Variants in NLGN1 observed in about 807,000 individuals in gnomAD.
NLGN1 encodes the protein neuroligin-1.
NLGN1 carries 12 observed loss-of-function variants against 65.5 expected under a neutral mutation model. That is an observed-to-expected ratio of 0.18 (90% confidence interval 0.12 to 0.30). NLGN1 has a LOEUF of 0.30. Ranked by LOEUF, NLGN1 falls within the 10% of genes least tolerant of loss-of-function variation. NLGN1 has a pLI of 1.00. For missense variants in NLGN1, 750 were observed against 1,007.1 expected (o/e 0.74, Z 3.46); for synonymous variants, 350 against 359.5 (o/e 0.97, Z 0.30).
At chr3:173,816,348 G>A (rs1437552625) in intron 4 of NLGN1, among the ~76,000 whole-genome samples, 4 of 152,178 alleles carry the variant, frequency 2.6e-5, no homozygotes, top group Admixed American at 1.3e-4. Flanking sequence ...GCAGAAACAA[G>A]TGAGTAGAGA....
At chr3:174,151,924 A>G (rs1278403909) in intron 4 of NLGN1, among the ~76,000 whole-genome samples, 3 of 152,180 alleles carry the variant, frequency 2.0e-5, no homozygotes, top group African/African-American at 7.2e-5. Flanking sequence ...AAAAATATAT[A>G]TACCATGAAC....
chr3:173,783,734 C>A (rs73180690), intron 3 of NLGN1, among the ~76,000 whole-genome samples: 2,002 of 152,240 alleles, frequency 0.013, 25 homozygotes, highest in Middle Eastern at 0.031. Flanking sequence ...CCAGCCTCAG[C>A]CTCCTGAGTT....
chr3:173,680,536 C>A (rs759608467), intron 3 of NLGN1, among the ~76,000 whole-genome samples: 1 of 152,058 alleles, frequency 6.6e-6, no homozygotes, highest in African/African-American at 2.4e-5. Context: ...ATCAAGGTGA[C>A]AAGTTTTTAA....
At chr3:173,635,105 C>G (rs1214938139) in intron 3 of NLGN1, among the ~76,000 whole-genome samples, 4 of 152,092 alleles carry the variant, frequency 2.6e-5, no homozygotes, top group Admixed American at 2.6e-4. Flanking sequence ...TGTCTAACAA[C>G]ATTAATAGTT....
intron 3 of NLGN1, among the ~76,000 whole-genome samples, chr3:173,653,504 T>C (rs552545438): frequency 6.0e-4 from 91 of 152,336 alleles, no homozygotes; most frequent in South Asian, 5.0e-3. Context: ...GATCATATGC[T>C]TTCTGTCCTT....
At chr3:174,183,176 A>G (rs1312436370) in intron 4 of NLGN1, among the ~76,000 whole-genome samples, 1 of 152,062 alleles carries the variant, frequency 6.6e-6, no homozygotes, top group African/African-American at 2.4e-5. Flanking sequence ...ATTGTCTACT[A>G]GGCAACAGTG....
chr3:173,800,514 ATTAAT>A (rs1479435094), intron 3 of NLGN1, among the ~76,000 whole-genome samples: 1 of 151,568 alleles, frequency 6.6e-6, no homozygotes, highest in African/African-American at 2.4e-5. Context: ...AATATAGAGT[ATTAAT>A]TTTTTTAAAA....
In NLGN1 at chr3:173,989,075, A is replaced by G. The variant is rs573438236; in HGVS notation, c.646+181243A>G. Among the ~76,000 whole-genome samples the G allele has an allele frequency of 6.8e-4, 103 of 152,282 alleles. 1 individual carries two copies. The South Asian group carries it at 7.0e-3, about 10-fold the overall frequency. On this transcript the variant is annotated intron_variant, in intron 4 of 6. Transcript: ENST00000457714. The stretch of plus-strand genomic sequence containing the variant: ...AAATTCACCAGACTTTGGCTCAGCT[A>G]ATTTCATTCTGTCACATCTCTCAAG...
At chr3:173,416,887 T>G (rs1361555939) in intron 1 of NLGN1, among the ~76,000 whole-genome samples, 1 of 152,158 alleles carries the variant, frequency 6.6e-6, no homozygotes, top group African/African-American at 2.4e-5. Flanking sequence ...TTCTGAGATC[T>G]TCTACAAATA....
intron 4 of NLGN1, among the ~76,000 whole-genome samples, chr3:174,114,655 A>C (rs1561074951): frequency 6.6e-6 from 1 of 152,162 alleles, no homozygotes; most frequent in Non-Finnish European, 1.5e-5. Flanking sequence ...TTTTGCTCGC[A>C]TAACTTCTAG....
At chr3:173,501,657 A>G (rs1195439072) in intron 2 of NLGN1, among the ~76,000 whole-genome samples, 2 of 149,804 alleles carry the variant, frequency 1.3e-5, no homozygotes, top group African/African-American at 4.9e-5. Flanking sequence ...GTATAATTAT[A>G]TATATTAGAA....
At chr3:173,814,040 A>G (rs1449767920) in intron 4 of NLGN1, among the ~76,000 whole-genome samples, 1 of 152,256 alleles carries the variant, frequency 6.6e-6, no homozygotes, top group Non-Finnish European at 1.5e-5. Context: ...GCCGAGGGCT[A>G]GGCCTGTGTC....
chr3:173,587,585 A>G (rs1483793200), intron 2 of NLGN1, among the ~76,000 whole-genome samples: 1 of 152,118 alleles, frequency 6.6e-6, no homozygotes, highest in Non-Finnish European at 1.5e-5. Context: ...TACCCAATAC[A>G]TGTTTTTGGT....
intron 4 of NLGN1, among the ~76,000 whole-genome samples, chr3:173,900,440 G>A (rs761922322): frequency 6.6e-6 from 1 of 151,950 alleles, no homozygotes; most frequent in Non-Finnish European, 1.5e-5. Flanking sequence ...ATTTCCAGAT[G>A]AAGACTGGCC....
rs186568162 is a variant in NLGN1, at chr3:173,975,621, C to A, written c.646+167789C>A. Among the ~76,000 whole-genome samples, 4 of 151,882 alleles carry A rather than the reference C, an allele frequency of 2.6e-5. No individual in the cohort carries two copies. In the South Asian group the frequency reaches 6.2e-4, roughly 24 times the overall value. ...GATTCAGACAGGGTATGTGACATTA[C>A]CCAAGATTGCATGGCATGGGTGAGA... On this transcript the variant is annotated intron_variant, in intron 4 of 6. Coordinates refer to ENST00000457714, the Ensembl canonical transcript of NLGN1.
At chr3:174,264,053 G>A (rs1293132398) in intron 4 of NLGN1, among the ~76,000 whole-genome samples, 10 of 149,832 alleles carry the variant, frequency 6.7e-5, no homozygotes, top group East Asian at 2.0e-4. Flanking sequence ...CGAGAGATCC[G>A]CTGTTAGTCT....
Position 174,272,213 on chromosome 3 carries a change from A to G in NLGN1, c.647-3102A>G, listed in dbSNP as rs73882743. ...GACTCTGCAAAATTGAGTTCCCCCA[A>G]TGACTGGACTATAGTTGAGCACTTC... On this transcript the variant is annotated intron_variant, in intron 4 of 6. Transcript: ENST00000457714. Among the ~76,000 whole-genome samples the G allele has an allele frequency of 5.5e-3, 841 of 151,852 alleles. 3 individuals carry two copies. The highest frequency in any genetic ancestry group is 0.019 in the African/African-American group (789 of 41,508).
chr3:173,853,821 G>C (rs1727429475), intron 4 of NLGN1, among the ~76,000 whole-genome samples: 1 of 151,764 alleles, frequency 6.6e-6, no homozygotes, highest in Non-Finnish European at 1.5e-5. Flanking sequence ...AATGATGAGA[G>C]GTTCTCATGG....
chr3:173,579,432 G>C (rs77533777), intron 2 of NLGN1, among the ~76,000 whole-genome samples: 1 of 152,338 alleles, frequency 6.6e-6, no homozygotes, highest in East Asian at 1.9e-4. Flanking sequence ...AGCCATGATC[G>C]TGCCTCTGCA....
Sources: allele counts gnomAD v4.1 joint callset (sites outside exome capture counted in the v4.1 genomes callset), GRCh38; gene constraint gnomAD v4.1.1; transcripts MANE v1.5; gene names NCBI Gene and HGNC (gene_info 2026-07-23, HGNC 2026-07-21).